The following PPHLN1 variants were observed in gnomAD, a reference collection of about 807,000 sequenced individuals.
PPHLN1 encodes periphilin-1.
PPHLN1 carries 29 observed loss-of-function variants against 51.3 expected under a neutral mutation model. The observed-to-expected ratio is 0.57, with a 90% CI of 0.42 to 0.77. The LOEUF (loss-of-function observed/expected upper bound fraction) is 0.77, where lower values mean the gene tolerates loss of function less well. Ranked by LOEUF, PPHLN1 falls within the 30% of genes least tolerant of loss-of-function variation. The pLI is 0.00. For missense variants in PPHLN1, 436 were observed against 438.4 expected (o/e 0.99, Z 0.05); for synonymous variants, 147 against 147.8 (o/e 0.99, Z 0.04).
intron 2 of PPHLN1, among the ~76,000 whole-genome samples, chr12:42,351,167 T>C (rs1022022914): frequency 1.3e-5 from 2 of 152,184 alleles, no homozygotes; most frequent in African/African-American, 2.4e-5. Context: ...TGTACAGATA[T>C]ATGTTCTGTA....
intron 4 of PPHLN1, among the ~76,000 whole-genome samples, chr12:42,363,339 AAT>A (rs2074915764): frequency 6.6e-6 from 1 of 151,758 alleles, no homozygotes. Flanking sequence ...TTTAAAAAAA[AAT>A]TTTTTTTGTA....
chr12:42,329,462 G>A (rs926101811), intron 1 of PPHLN1, among the ~76,000 whole-genome samples: 1 of 152,104 alleles, frequency 6.6e-6, no homozygotes, highest in Non-Finnish European at 1.5e-5. Flanking sequence ...TCTGAATACT[G>A]AGCACAGTGT....
intron 4 of PPHLN1, among the ~76,000 whole-genome samples, chr12:42,365,465 G>A (rs1045923630): frequency 2.0e-5 from 3 of 151,942 alleles, no homozygotes; most frequent in Admixed American, 6.6e-5. Flanking sequence ...ACTCATAACC[G>A]GTGAACATAT....
intron 9 of PPHLN1, among the ~76,000 whole-genome samples, chr12:42,417,551 A>C (rs2080504359): frequency 6.6e-6 from 1 of 152,146 alleles, no homozygotes; most frequent in Non-Finnish European, 1.5e-5. Flanking sequence ...GGATCAAATA[A>C]TTGCAGTTTT....
At chr12:42,425,061 T>C (rs968624839) in intron 9 of PPHLN1, among the ~76,000 whole-genome samples, 7 of 151,686 alleles carry the variant, frequency 4.6e-5, no homozygotes, top group Non-Finnish European at 7.4e-5. Flanking sequence ...TATGTATGTA[T>C]GTATGTATGT....
chr12:42,336,273 AAAG>A (rs1209044648), intron 2 of PPHLN1, among the ~76,000 whole-genome samples: 1 of 152,236 alleles, frequency 6.6e-6, no homozygotes, highest in African/African-American at 2.4e-5. Context: ...ATCAGTTAGC[AAAG>A]AAGTATTTGA....
intron 7 of PPHLN1, among the ~76,000 whole-genome samples, chr12:42,391,330 C>T (rs890154571): frequency 5.3e-5 from 8 of 152,222 alleles, no homozygotes; most frequent in African/African-American, 1.9e-4. Flanking sequence ...CCTCCACCTC[C>T]CAGGTTCAAG....
downstream of PPHLN1, chr12:42,446,105 C>T (rs557962502): frequency 2.1e-5 from 32 of 1,554,846 alleles, no homozygotes; most frequent in Non-Finnish European, 2.4e-5. Context: ...CCTGCAGCCC[C>T]GGAAGAAACG....
At chr12:42,370,017 A>T (rs114368888) in intron 4 of PPHLN1, among the ~76,000 whole-genome samples, 1,579 of 152,354 alleles carry the variant, frequency 0.01, 29 homozygotes, top group African/African-American at 0.035. Context: ...AGGCATGGCC[A>T]GGCCTTACTT....
At chr12:42,376,419 TCC>T (rs1478450971) in intron 5 of PPHLN1, among the ~76,000 whole-genome samples, 1 of 152,184 alleles carries the variant, frequency 6.6e-6, no homozygotes, top group Non-Finnish European at 1.5e-5. Flanking sequence ...GAGTGGGGCT[TCC>T]CAAAAAACAT....
rs560014561 is a variant in PPHLN1, at chr12:42,413,862, CG to C, written c.909+14869del. ...ACAGGTGTGAGCCACTGTGCCCAGC[CG>C]ATAACTGTAGTTTTGTAATATAATT... On this transcript the variant is annotated intron_variant, in intron 9 of 9. Transcript: ENST00000358314. Among the ~76,000 whole-genome samples the C allele has an allele frequency of 1.6e-3, 248 of 150,752 alleles. 1 individual carries two copies. Among genetic ancestry groups the C allele is most frequent in the African/African-American group, 5.2e-3 (215 of 40,992 alleles).
chr12:42,427,833 TG>T lies in PPHLN1; in HGVS notation c.910-13479del, dbSNP rs142582206. Among the ~76,000 whole-genome samples the T allele has an allele frequency of 9.1e-3, 1,383 of 151,588 alleles. 21 individuals are homozygous for T. Among genetic ancestry groups the T allele is most frequent in the African/African-American group, 0.031 (1,288 of 41,254 alleles). ...CAAAGTGAACAGACAACCCACAGAG[TG>T]GGAGAAGATCTTTACAATCTGTACA... is the stretch of plus-strand genomic sequence containing the variant. On this transcript the variant is annotated intron_variant, in intron 9 of 9. Coordinates refer to ENST00000358314, the MANE Select transcript of PPHLN1 (RefSeq NM_201439.2).
chr12:42,396,913 G>A (rs1462399537), intron 8 of PPHLN1, among the ~76,000 whole-genome samples: 1 of 151,660 alleles, frequency 6.6e-6, no homozygotes, highest in Non-Finnish European at 1.5e-5. Context: ...GGTGGCATGT[G>A]CCTGTAGTTC....
chr12:42,413,630 C>T (rs901401618), intron 9 of PPHLN1, among the ~76,000 whole-genome samples: 4 of 151,576 alleles, frequency 2.6e-5, no homozygotes, highest in South Asian at 2.1e-4. Flanking sequence ...GGCGCCATCT[C>T]GGCTCACTGC....
chr12:42,433,275 G>C, intron 9 of PPHLN1: 1 of 667,132 alleles, frequency 1.5e-6, no homozygotes, highest in Non-Finnish European at 2.8e-6. Flanking sequence ...TTTTATATCA[G>C]ATGGTGGAGG....
chr12:42,346,208 A>G (rs192742055), intron 2 of PPHLN1, among the ~76,000 whole-genome samples: 18 of 152,234 alleles, frequency 1.2e-4, no homozygotes, highest in Admixed American at 1.2e-3. Context: ...CCTATTTTGT[A>G]TTCCTTGACT....
rs772744214 is a variant in PPHLN1, at chr12:42,355,168, C to T, written c.245C>T (p.Ser82Phe). The T allele has an allele frequency of 1.7e-5, 27 of 1,613,352 alleles. No homozygotes were observed. The highest frequency in any genetic ancestry group is 6.6e-5 in the South Asian group (6 of 91,062). Residue 82 changes from serine to phenylalanine, a missense_variant, in exon 4 of 10, where the codon TCT (serine) becomes TTT (phenylalanine). Coordinates refer to ENST00000358314, the MANE Select transcript of PPHLN1 (RefSeq NM_201439.2). ...AGCTTTTTTATGTTACAGGATGAAT[C>T]TGGTTATAGATGGACAAGAGACGAT... ...RSGPPHRGDE[S>F]GYRWTRDDHS... is the part of the protein sequence containing the mutation.
At chr12:42,437,146 G>A (rs1273250917) in intron 9 of PPHLN1, among the ~76,000 whole-genome samples, 2 of 152,154 alleles carry the variant, frequency 1.3e-5, no homozygotes, top group Non-Finnish European at 2.9e-5. Context: ...CCTTGAAGGA[G>A]CTCTTCATGA....
chr12:42,403,482 T>C (rs1450784085), intron 9 of PPHLN1, among the ~76,000 whole-genome samples: 1 of 152,252 alleles, frequency 6.6e-6, no homozygotes, highest in Admixed American at 6.5e-5. Context: ...ATAAAGTTTT[T>C]ATTTTAAGAG....
Sources: gnomAD v4.1 joint callset for allele counts (sites outside exome capture counted in the v4.1 genomes callset) on GRCh38, gnomAD v4.1.1 for gene constraint, MANE v1.5 for transcripts, NCBI Gene and HGNC (gene_info 2026-07-23, HGNC 2026-07-21) for gene names.